SLC38A6: variants seen among roughly 807,000 people sequenced by gnomAD.
The protein encoded by SLC38A6 is solute carrier family 38 member 6.
A neutral mutation model predicts 65.0 loss-of-function variants in SLC38A6; 73 were observed. The observed-to-expected ratio is 1.12, with a 90% CI of 0.93 to 1.37. The LOEUF is 1.37. Ranked by LOEUF, SLC38A6 falls within the 40% of genes most tolerant of loss-of-function variation. The probability of loss-of-function intolerance (pLI) is 0.00; values close to 1 mark genes in which losing one functional copy is unlikely to be tolerated. For missense variants in SLC38A6, 561 were observed against 531.1 expected, an observed-to-expected ratio of 1.06 and a Z score of -0.55; for synonymous variants, 183 against 178.8, an observed-to-expected ratio of 1.02 and a Z score of -0.19.
intron 5 of SLC38A6, among the ~76,000 whole-genome samples, chr14:61,028,148 T>C (rs1021577423): frequency 1.3e-5 from 2 of 152,006 alleles, no homozygotes; most frequent in Non-Finnish European, 2.9e-5. Context: ...ATGACAGATA[T>C]TATATTAGAA....
intron 15 of SLC38A6, among the ~76,000 whole-genome samples, chr14:61,068,814 T>A (rs757260599): frequency 5.9e-5 from 9 of 152,362 alleles, no homozygotes; most frequent in Non-Finnish European, 1.0e-4. Flanking sequence ...CTTAGGACAG[T>A]GCCTGGTACT....
intron 4 of SLC38A6, among the ~76,000 whole-genome samples, chr14:61,019,123 A>G (rs1298170213): frequency 6.6e-6 from 1 of 152,192 alleles, no homozygotes. Context: ...GAAAACTTAT[A>G]TCATTTCCTT....
At chr14:61,043,995 G>A (rs542917152) in intron 10 of SLC38A6, among the ~76,000 whole-genome samples, 1 of 152,224 alleles carries the variant, frequency 6.6e-6, no homozygotes, top group South Asian at 2.1e-4. Context: ...GATGCCAGGA[G>A]TAGAGACTAG....
At position 61,057,846 on chromosome 14, in the gene SLC38A6, T is replaced by A. The variant is rs1231347492; in HGVS notation, c.1290+5711T>A. 5.5e-5 allele frequency among the ~76,000 whole-genome samples: 7 copies of A among 127,274 alleles called. No homozygotes were observed. In the South Asian group the frequency reaches 1.9e-3, roughly 35 times the overall value. 83.5% of individuals were successfully genotyped at this position (127,274 alleles called of 152,430 possible). ...ATTCAACTTCTTCCTGGTTTAGTCTTGGGAGAGTGTATGTGTCGAGGAATG... is the reference window on the plus strand; with the variant it reads ...ATTCAACTTCTTCCTGGTTTAGTCTAGGGAGAGTGTATGTGTCGAGGAATG... On this transcript the variant is annotated intron_variant, in intron 15 of 16. Transcript: ENST00000354886.
Position 61,019,592 on chromosome 14 carries a change from CAAGTGCACTGTTTATACAT to C in SLC38A6, c.403+15_403+33del. ...TCAGAATATTGGAGGTAAGCAATTGCAAGTGCACTGTTTATACATAAATGTGATGGCAATAATGTCCTTT... is the reference window on the plus strand; with the variant it reads ...TCAGAATATTGGAGGTAAGCAATTGCAAATGTGATGGCAATAATGTCCTTT... On this transcript the variant is annotated intron_variant, in intron 5 of 15. Transcript: ENST00000267488. The C allele has an allele frequency of 6.2e-7, 1 of 1,611,988 alleles. No individual in the cohort carries two copies. Among genetic ancestry groups the C allele is most frequent in the Non-Finnish European group, 8.5e-7 (1 of 1,178,264 alleles).
rs139359199 is a variant in SLC38A6, at chr14:61,070,273, C to T, written c.1291-8537C>T. Among the ~76,000 whole-genome samples, 445 of 152,336 alleles carry T rather than the reference C, an allele frequency of 2.9e-3. 6 individuals carry two copies. The highest frequency in any genetic ancestry group is 0.025 in the East Asian group (132 of 5,178). On this transcript the variant is annotated intron_variant, in intron 15 of 16. Transcript: ENST00000354886. ...CTTTTTGCTTCTATGAGTTTGACTGCTCTCGCCATCTTGTACCAAGGAATC... is the reference window on the plus strand; with the variant it reads ...CTTTTTGCTTCTATGAGTTTGACTGTTCTCGCCATCTTGTACCAAGGAATC...
intron 15 of SLC38A6, among the ~76,000 whole-genome samples, chr14:61,067,990 T>C (rs1308771936): frequency 6.6e-6 from 1 of 152,176 alleles, no homozygotes; most frequent in Admixed American, 6.6e-5. Flanking sequence ...AGTATTTCTC[T>C]TGAGTTGTTA....
At chr14:61,011,788 AT>A (rs1373120300) in intron 3 of SLC38A6, among the ~76,000 whole-genome samples, 1 of 152,124 alleles carries the variant, frequency 6.6e-6, no homozygotes, top group Non-Finnish European at 1.5e-5. Context: ...GTTTGCCAGT[AT>A]TTTATTGAGG....
intron 3 of SLC38A6, among the ~76,000 whole-genome samples, chr14:60,990,341 A>T (rs1001081834): frequency 2.6e-5 from 4 of 152,064 alleles, no homozygotes; most frequent in African/African-American, 4.8e-5. Flanking sequence ...TACACTCATT[A>T]TCGGGCTCAT....
At chr14:61,009,065 G>A (rs183825227) in intron 3 of SLC38A6, among the ~76,000 whole-genome samples, 18 of 152,182 alleles carry the variant, frequency 1.2e-4, no homozygotes, top group Admixed American at 3.9e-4. Context: ...GACCATAAGC[G>A]TTCAAAAGTT....
chr14:60,981,752 A>T, intron 1 of SLC38A6: 1 of 1,287,592 alleles, frequency 7.8e-7, no homozygotes, highest in Non-Finnish European at 1.0e-6. Context: ...CAAGAGTCAC[A>T]GGATTTTCCT....
intron 16 of SLC38A6, among the ~76,000 whole-genome samples, chr14:61,080,194 T>G (rs2043587909): frequency 6.6e-6 from 1 of 152,200 alleles, no homozygotes; most frequent in African/African-American, 2.4e-5. Flanking sequence ...TTTACTCTTC[T>G]TCATCTACTT....
chr14:61,075,972 C>T (rs1031853014), intron 15 of SLC38A6, among the ~76,000 whole-genome samples: 5 of 152,158 alleles, frequency 3.3e-5, no homozygotes, highest in Non-Finnish European at 5.9e-5. Flanking sequence ...TCTCCTGCCT[C>T]AGCCTCCCAA....
intron 15 of SLC38A6, among the ~76,000 whole-genome samples, chr14:61,070,260 A>G (rs1594786736): frequency 6.6e-6 from 1 of 152,128 alleles, no homozygotes; most frequent in African/African-American, 2.4e-5. Flanking sequence ...TTTTGCTTCT[A>G]TGAGTTTGAC....
At chr14:61,073,340 T>C (rs1362720891) in intron 15 of SLC38A6, among the ~76,000 whole-genome samples, 1 of 152,188 alleles carries the variant, frequency 6.6e-6, no homozygotes, top group East Asian at 1.9e-4. Flanking sequence ...TTTATTATGA[T>C]ATTAAACCTA....
At chr14:61,005,273 A>T (rs2039008744) in intron 3 of SLC38A6, among the ~76,000 whole-genome samples, 1 of 145,230 alleles carries the variant, frequency 6.9e-6, no homozygotes, top group African/African-American at 2.5e-5. Context: ...AACTGGCACA[A>T]GACAGGGATG....
intron 8 of SLC38A6, 131 bp from the exon 9 acceptor site, chr14:61,043,016 G>A (rs2041902902): frequency 5.1e-6 from 3 of 588,562 alleles, no homozygotes; most frequent in South Asian, 2.6e-5. Flanking sequence ...TTCTAACCGG[G>A]AAAAGTCACA....
At chr14:60,990,838 C>A (rs963738991) in intron 3 of SLC38A6, among the ~76,000 whole-genome samples, 19 of 151,970 alleles carry the variant, frequency 1.3e-4, no homozygotes, top group Non-Finnish European at 2.6e-4. Context: ...TGTGCGTCAC[C>A]ACACCTGGCT....
chr14:60,996,937 A>G (rs1019192433), intron 3 of SLC38A6, among the ~76,000 whole-genome samples: 1 of 152,218 alleles, frequency 6.6e-6, no homozygotes, highest in Non-Finnish European at 1.5e-5. Flanking sequence ...ACATTTTCAT[A>G]TATACAAGGT....
Sources: gnomAD v4.1 joint callset for allele counts (sites outside exome capture counted in the v4.1 genomes callset) on GRCh38, gnomAD v4.1.1 for gene constraint, MANE v1.5 for transcripts, NCBI Gene and HGNC (gene_info 2026-07-23, HGNC 2026-07-21) for gene names.